PHF20: variants seen among roughly 807,000 people sequenced by gnomAD.
PHF20 encodes the protein glioma-expressed antigen 2.
Under a neutral mutation model 113.5 loss-of-function variants are expected in PHF20, and 23 were observed. The observed-to-expected ratio is 0.20, with a 90% CI of 0.15 to 0.29. The LOEUF is 0.29. Ranked by LOEUF, PHF20 falls within the 10% of genes least tolerant of loss-of-function variation. PHF20 has a pLI of 1.00. For synonymous variants in PHF20, 434 were observed against 457.3 expected (o/e 0.95, Z 0.65); for missense variants, 943 against 1,219.6 (o/e 0.77, Z 3.38).
rs145977765 is a variant in PHF20 at position 35,922,944 on chromosome 20, GTC to G, written c.2005-4832_2005-4831del. Among the ~76,000 whole-genome samples the G allele has an allele frequency of 8.8e-3, 1,334 of 152,154 alleles. 23 individuals carry two copies. Among genetic ancestry groups the G allele is most frequent in the African/African-American group, 0.031 (1,277 of 41,484 alleles). On this transcript the variant is annotated intron_variant, in intron 13 of 17. Coordinates refer to ENST00000374012, the MANE Select transcript of PHF20 (RefSeq NM_016436.5). Reference sequence around the variant, plus strand: ...CAGCCTGGGCAACGTGGCAAACCCTGTCTCTACAAAAAATACAAAAATTAGTT... The same window carrying G: ...CAGCCTGGGCAACGTGGCAAACCCTGTCTACAAAAAATACAAAAATTAGTT...
chr20:35,815,198 C>T (rs1312949821), intron 2 of PHF20, among the ~76,000 whole-genome samples: 3 of 151,300 alleles, frequency 2.0e-5, no homozygotes, highest in Non-Finnish European at 4.4e-5. Context: ...CTCTGTCCCC[C>T]GAAAAATTAT....
intron 12 of PHF20, chr20:35,917,132 A>G (rs6058363): frequency 0.28 from 104,700 of 379,794 alleles, 20,976 homozygotes; most frequent in African/African-American, 0.72. Context: ...GACTGGATGG[A>G]GTGAGGCTGA....
chr20:35,947,336 GCCC>G, intron 17 of PHF20, 146 bp from the exon 18 acceptor site: 3 of 660,880 alleles, frequency 4.5e-6, no homozygotes, highest in South Asian at 2.5e-5. Flanking sequence ...GGCTGAAATG[GCCC>G]TTCCTCCCTT....
chr20:35,866,816 G>C (rs1165318850), intron 6 of PHF20, among the ~76,000 whole-genome samples: 1 of 152,138 alleles, frequency 6.6e-6, no homozygotes, highest in Non-Finnish European at 1.5e-5. Context: ...ATAAGAACAA[G>C]GACATTCAGT....
intron 17 of PHF20, among the ~76,000 whole-genome samples, chr20:35,943,187 A>G (rs2056020227): frequency 6.6e-6 from 1 of 152,048 alleles, no homozygotes; most frequent in African/African-American, 2.4e-5. Context: ...CTTTTTTAAA[A>G]AGCCGGCCTG....
intron 10 of PHF20, among the ~76,000 whole-genome samples, chr20:35,911,284 C>T (rs73618542): frequency 2.6e-5 from 4 of 151,560 alleles, no homozygotes; most frequent in African/African-American, 4.8e-5. Context: ...CCTCGTGATC[C>T]GCCCGCCTTG....
At chr20:35,852,742 G>T (rs1159449450) in intron 4 of PHF20, among the ~76,000 whole-genome samples, 1 of 151,744 alleles carries the variant, frequency 6.6e-6, no homozygotes, top group African/African-American at 2.4e-5. Context: ...GGGATTACAG[G>T]TGTGTGCCAC....
intron 9 of PHF20, among the ~76,000 whole-genome samples, chr20:35,888,835 C>G (rs528848148): frequency 6.6e-6 from 1 of 151,132 alleles, no homozygotes; most frequent in Non-Finnish European, 1.5e-5. Flanking sequence ...TGACAAGAAC[C>G]ATATTAGTAT....
At chr20:35,780,844 T>C (rs1197817974) in intron 1 of PHF20, among the ~76,000 whole-genome samples, 7 of 143,304 alleles carry the variant, frequency 4.9e-5, no homozygotes, top group African/African-American at 1.9e-4. Context: ...CACTGGTGCC[T>C]GGCCCTTTTT....
At chr20:35,917,716 G>C in intron 13 of PHF20, 54 bp downstream of exon 13, 1 of 1,507,640 alleles carries the variant, frequency 6.6e-7, no homozygotes, top group Non-Finnish European at 9.0e-7. Context: ...GGTCCTTGGA[G>C]GGAATTTTGA....
chr20:35,934,040 G>C (rs1370224129), intron 15 of PHF20, among the ~76,000 whole-genome samples: 2 of 152,226 alleles, frequency 1.3e-5, no homozygotes, highest in African/African-American at 4.8e-5. Context: ...CTGTGTCAGG[G>C]ACTGCTTTTA....
In PHF20 at chr20:35,877,580, C is replaced by G. The variant is rs182246245; in HGVS notation, c.1282+5751C>G. ...TTCTCCTGTCTCAGCCTCCCACTTT[C>G]TTTTTTTTTTTTTTGAAGGTGGAGT... is the stretch of plus-strand genomic sequence containing the variant. On this transcript the variant is annotated intron_variant, in intron 9 of 17. Transcript: ENST00000374012. Among the ~76,000 whole-genome samples, 1,264 of 140,892 alleles carry G rather than the reference C, an allele frequency of 9.0e-3. 13 individuals are homozygous for G. Among genetic ancestry groups the G allele is most frequent in the African/African-American group, 0.03 (1,176 of 38,638 alleles). 92.4% of individuals were successfully genotyped at this position (140,892 alleles called of 152,430 possible).
At chr20:35,837,468 T>C (rs2042462956) in intron 2 of PHF20, among the ~76,000 whole-genome samples, 1 of 152,200 alleles carries the variant, frequency 6.6e-6, no homozygotes, top group Non-Finnish European at 1.5e-5. Context: ...ACAGGGAAGC[T>C]AGAAATTCTC....
rs2042805872 is a variant in PHF20, at chr20:35,855,278, C to A, written c.341-3024C>A. 1.5e-6 allele frequency: 2 copies of A among 1,336,812 alleles called. 1 individual carries two copies. The highest frequency in any genetic ancestry group is 3.0e-5 in the African/African-American group (2 of 67,098). The allele number at this position is 1,336,812 out of a possible 1,614,324, so 82.8% of individuals were successfully genotyped here. A position where few individuals can be genotyped will look rare whatever the true frequency, so the allele number is the denominator to read the frequency against. On this transcript the variant is annotated intron_variant, in intron 4 of 17. Transcript: ENST00000374012. ...CAATATAGGCAGGTAAAAACAGGAA[C>A]CCAGACCTTTGTTGTAAGTACTCAT...
At chr20:35,796,023 G>A (rs1443814617) in intron 1 of PHF20, among the ~76,000 whole-genome samples, 1 of 151,974 alleles carries the variant, frequency 6.6e-6, no homozygotes, top group Non-Finnish European at 1.5e-5. Context: ...GCTAATTTTT[G>A]TATTTTTTAG....
At chr20:35,917,033 G>A (rs1568761278) in intron 12 of PHF20, 1 of 278,064 alleles carries the variant, frequency 3.6e-6, no homozygotes, top group African/African-American at 2.2e-5. Context: ...CAAAATGCTG[G>A]TATTAGAGGC....
chr20:35,943,544 T>C (rs2056029589), intron 17 of PHF20, among the ~76,000 whole-genome samples: 1 of 151,154 alleles, frequency 6.6e-6, no homozygotes, highest in East Asian at 1.9e-4. Flanking sequence ...GAAATATATA[T>C]ATATATATGC....
chr20:35,868,129 A>G (rs571656399), intron 6 of PHF20, among the ~76,000 whole-genome samples: 1 of 152,158 alleles, frequency 6.6e-6, no homozygotes, highest in Admixed American at 6.6e-5. Flanking sequence ...CCCTGTCTCT[A>G]CTAAAGATAC....
intron 4 of PHF20, among the ~76,000 whole-genome samples, chr20:35,850,495 A>ATT (rs1416244109): frequency 4.2e-5 from 6 of 142,066 alleles, no homozygotes; most frequent in African/African-American, 1.5e-4. Flanking sequence ...ATATATATAT[A>ATT]TTTTTAAGGT....
Sources: gnomAD v4.1 joint callset for allele counts (sites outside exome capture counted in the v4.1 genomes callset) on GRCh38, gnomAD v4.1.1 for gene constraint, MANE v1.5 for transcripts, NCBI Gene and HGNC (gene_info 2026-07-23, HGNC 2026-07-21) for gene names.